The following SHISA6 variants were observed in gnomAD, a reference collection of about 807,000 sequenced individuals.
The protein encoded by SHISA6 is protein shisa-6.
In SHISA6, 22 loss-of-function variants were observed where a neutral mutation model predicts 47.9. The observed-to-expected ratio is 0.46, with a 90% CI of 0.33 to 0.66. The LOEUF (loss-of-function observed/expected upper bound fraction) is 0.66. Among genes scored for constraint, SHISA6 ranks in the 30% least tolerant of loss-of-function variants. The pLI is 0.02. For missense variants in SHISA6, 680 were observed against 764.6 expected, an observed-to-expected ratio of 0.89 and a Z score of 1.30; for synonymous variants, 388 against 337.8, an observed-to-expected ratio of 1.15 and a Z score of -1.63.
At position 11,558,119 on chromosome 17, in the gene SHISA6, C is replaced by T. The variant is rs1479742878; in HGVS notation, c.1471C>T (p.Arg491Cys). ...GTCCACACCCGTGCTGGACCGCTACCGCATGAGCAAGATGCACTCTCATCC... is the reference window on the plus strand; with the variant it reads ...GTCCACACCCGTGCTGGACCGCTACTGCATGAGCAAGATGCACTCTCATCC... The part of the protein sequence containing the change: ...FVSTPVLDRY[R>C]MSKMHSHPSA... The change falls in exon 6 of 6, where the codon CGC becomes TGC. Residue 491 changes from arginine (R) to cysteine (C), a missense_variant. Around this residue, in one of 2 missense-constraint regions of SHISA6, gnomAD observed 559 missense variants for 674.1 expected, o/e 0.83. Coordinates refer to ENST00000441885, the MANE Select transcript of SHISA6 (RefSeq NM_207386.4). 9.0e-6 allele frequency: 14 copies of T among 1,551,384 alleles called. No homozygotes were observed. In the Middle Eastern group the frequency reaches 8.3e-4, roughly 92 times the overall value.
At chr17:11,474,404 G>GT (rs1436771214) in intron 3 of SHISA6, among the ~76,000 whole-genome samples, 3 of 76,852 alleles carry the variant, frequency 3.9e-5, no homozygotes, top group Non-Finnish European at 7.1e-5. Flanking sequence ...ACTTTTTGAT[G>GT]GTTTTTTTTT....
At chr17:11,439,265 G>T (rs1341900875) in intron 3 of SHISA6, among the ~76,000 whole-genome samples, 1 of 152,166 alleles carries the variant, frequency 6.6e-6, no homozygotes, top group Admixed American at 6.5e-5. Flanking sequence ...GGTCAAGGGG[G>T]TCGGAGGACT....
At chr17:11,454,952 G>A (rs1288548068) in intron 3 of SHISA6, among the ~76,000 whole-genome samples, 21 of 152,142 alleles carry the variant, frequency 1.4e-4, no homozygotes, top group South Asian at 1.0e-3. Flanking sequence ...GGTGGATCAC[G>A]AGGTCAGGAG....
At chr17:11,287,415 G>C (rs1176072896) in intron 2 of SHISA6, among the ~76,000 whole-genome samples, 1 of 151,872 alleles carries the variant, frequency 6.6e-6, no homozygotes, top group African/African-American at 2.4e-5. Flanking sequence ...GCCAGACACA[G>C]TGGCTCATGC....
At chr17:11,287,058 T>A (rs1909325543) in intron 2 of SHISA6, among the ~76,000 whole-genome samples, 1 of 152,196 alleles carries the variant, frequency 6.6e-6, no homozygotes, top group Non-Finnish European at 1.5e-5. Context: ...TATTACTCAA[T>A]TAAAATATTT....
chr17:11,324,918 C>T (rs945545796), intron 2 of SHISA6, among the ~76,000 whole-genome samples: 1 of 152,132 alleles, frequency 6.6e-6, no homozygotes, highest in Non-Finnish European at 1.5e-5. Flanking sequence ...CAATCACCTG[C>T]CTATCTGGTC....
At chr17:11,248,474 C>T (rs1185780165) in intron 1 of SHISA6, among the ~76,000 whole-genome samples, 1 of 152,186 alleles carries the variant, frequency 6.6e-6, no homozygotes, top group Non-Finnish European at 1.5e-5. Flanking sequence ...AGACTCATCT[C>T]ATTCAATGAA....
intron 3 of SHISA6, among the ~76,000 whole-genome samples, chr17:11,478,391 G>A (rs1916120722): frequency 1.5e-5 from 2 of 130,438 alleles, no homozygotes; most frequent in East Asian, 4.9e-4. Flanking sequence ...TCTGATGGTA[G>A]TTTCTTTTGC....
chr17:11,421,118 A>ATC (rs1457719899), intron 3 of SHISA6, among the ~76,000 whole-genome samples: 3 of 152,132 alleles, frequency 2.0e-5, no homozygotes. Flanking sequence ...TGGATATTGA[A>ATC]TCTCTCCTGT....
intron 3 of SHISA6, among the ~76,000 whole-genome samples, chr17:11,528,706 T>C (rs192501828): frequency 1.0e-3 from 154 of 152,228 alleles, no homozygotes; most frequent in Non-Finnish European, 1.6e-3. Context: ...AGCACAGGCA[T>C]TCAGAAGCAC....
In SHISA6 at chr17:11,558,525, C is replaced by T. The variant is rs1052006966; in HGVS notation, c.*221C>T. 24 of 590,306 alleles carry T rather than the reference C, an allele frequency of 4.1e-5. No individual in the cohort carries two copies. Among genetic ancestry groups the T allele is most frequent in the African/African-American group, 3.9e-4 (21 of 53,640 alleles). The allele number at this position is 590,306 out of a possible 1,614,324, so 36.6% of individuals were successfully genotyped here. A position where few individuals can be genotyped will look rare whatever the true frequency, so the allele number is the denominator to read the frequency against. ...CCAGGACCAAGAGCAATCGCTCTTG[C>T]TCCTCCAGAAGAATCAGTGGGGAGT... On this transcript the variant is annotated 3_prime_UTR_variant, in exon 6 of 6. Coordinates refer to ENST00000441885, the MANE Select transcript of SHISA6 (RefSeq NM_207386.4).
intron 3 of SHISA6, among the ~76,000 whole-genome samples, chr17:11,520,090 A>G (rs928655810): frequency 1.2e-4 from 19 of 152,152 alleles, no homozygotes; most frequent in African/African-American, 4.6e-4. Flanking sequence ...CTCCATGTGG[A>G]TGATTCTCAA....
intron 3 of SHISA6, among the ~76,000 whole-genome samples, chr17:11,428,332 G>A (rs1016926787): frequency 3.3e-5 from 5 of 152,310 alleles, no homozygotes; most frequent in South Asian, 2.1e-4. Flanking sequence ...TTATAACGGC[G>A]AAGGCAGAGT....
chr17:11,319,345 C>T (rs1910633366), intron 2 of SHISA6, among the ~76,000 whole-genome samples: 1 of 152,150 alleles, frequency 6.6e-6, no homozygotes, highest in African/African-American at 2.4e-5. Context: ...TTCCAAAGTG[C>T]CGGGATTATG....
chr17:11,372,163 C>T (rs549404035), intron 2 of SHISA6, among the ~76,000 whole-genome samples: 6 of 152,176 alleles, frequency 3.9e-5, no homozygotes, highest in Non-Finnish European at 8.8e-5. Context: ...CATAGTATTC[C>T]ATCATGGATG....
At chr17:11,339,490 A>G (rs1466691797) in intron 2 of SHISA6, among the ~76,000 whole-genome samples, 1 of 152,124 alleles carries the variant, frequency 6.6e-6, no homozygotes, top group Non-Finnish European at 1.5e-5. Context: ...TCATTTGCAT[A>G]TAGAATAACA....
chr17:11,301,937 G>A (rs746727549), intron 2 of SHISA6, among the ~76,000 whole-genome samples: 1 of 152,218 alleles, frequency 6.6e-6, no homozygotes, highest in African/African-American at 2.4e-5. Context: ...TGGCTGGGAA[G>A]GCCTCAGAAT....
chr17:11,547,743 T>C (rs546143295), intron 3 of SHISA6, among the ~76,000 whole-genome samples: 2 of 152,242 alleles, frequency 1.3e-5, no homozygotes, highest in East Asian at 3.9e-4. Flanking sequence ...ATTATAGAAC[T>C]GATATGTATA....
At chr17:11,505,898 C>T (rs556127765) in intron 3 of SHISA6, among the ~76,000 whole-genome samples, 2 of 152,162 alleles carry the variant, frequency 1.3e-5, no homozygotes, top group East Asian at 3.9e-4. Flanking sequence ...TACTGTATAC[C>T]ACAAGGCAGT....
Sources: allele counts gnomAD v4.1 joint callset (sites outside exome capture counted in the v4.1 genomes callset), GRCh38; gene constraint gnomAD v4.1.1; regional missense constraint gnomAD v4.1.1; transcripts MANE v1.5; gene names NCBI Gene and HGNC (gene_info 2026-07-23, HGNC 2026-07-21).